Variants in NF1 observed in about 807,000 individuals in gnomAD.
NF1 encodes neurofibromin.
A neutral mutation model predicts 325.7 loss-of-function variants in NF1; 122 were observed. The ratio of observed to expected loss-of-function variants is 0.37; its 90% CI spans 0.32 to 0.44. The LOEUF (loss-of-function observed/expected upper bound fraction) is 0.44. Among genes scored for constraint, NF1 ranks in the 20% least tolerant of loss-of-function variants. The pLI is 1.00. For missense variants in NF1, 2,140 were observed against 3,415.4 expected (o/e 0.63, Z 9.31); for synonymous variants, 1,091 against 1,186.0 (o/e 0.92, Z 1.65).
intron 47 of NF1, 31 bp downstream of exon 47, chr17:31,340,676 T>G (rs1331975061): frequency 6.2e-7 from 1 of 1,607,570 alleles, no homozygotes; most frequent in Admixed American, 1.7e-5. Context: ...GGTTCCTAGA[T>G]TACTCAAATT....
chr17:31,282,823 TTA>T (rs1369457685), intron 36 of NF1, among the ~76,000 whole-genome samples: 2 of 152,194 alleles, frequency 1.3e-5, no homozygotes, highest in Admixed American at 6.5e-5. Context: ...GTGTTTAACT[TTA>T]GAGGAACTGC....
chr17:31,240,690 C>G (rs1191076499), intron 29 of NF1, among the ~76,000 whole-genome samples: 1 of 152,084 alleles, frequency 6.6e-6, no homozygotes, highest in East Asian at 1.9e-4. Flanking sequence ...ATTTACATTC[C>G]TGCCAATAGT....
chr17:31,100,562 T>A (rs894779689), intron 1 of NF1, among the ~76,000 whole-genome samples: 2 of 152,056 alleles, frequency 1.3e-5, no homozygotes, highest in African/African-American at 4.8e-5. Context: ...ATTGTTATTT[T>A]AAATTTTTAT....
intron 29 of NF1, among the ~76,000 whole-genome samples, chr17:31,242,277 A>T (rs2067308967): frequency 7.4e-6 from 1 of 135,278 alleles, no homozygotes; most frequent in African/African-American, 2.8e-5. Flanking sequence ...ATATTGATAA[A>T]TATCTTTCCC....
intron 3 of NF1, among the ~76,000 whole-genome samples, chr17:31,159,970 T>G (rs2065733940): frequency 6.6e-6 from 1 of 152,066 alleles, no homozygotes; most frequent in African/African-American, 2.4e-5. Context: ...GGACTGATAG[T>G]GTGGTTGAGA....
At chr17:31,223,422 A>G (rs2144015022) in intron 15 of NF1, 22 bp from the exon 16 acceptor site, 1 of 1,609,824 alleles carries the variant, frequency 6.2e-7, no homozygotes. Flanking sequence ...TGCTAGTAAC[A>G]ATGAACTTTA....
chr17:31,365,742 T>G (rs1440203636), intron 57 of NF1, among the ~76,000 whole-genome samples: 1 of 152,158 alleles, frequency 6.6e-6, no homozygotes, highest in African/African-American at 2.4e-5. Context: ...GGCAGTAGAA[T>G]GTACATAGAT....
chr17:31,304,120 G>T, intron 36 of NF1: 3 of 769,028 alleles, frequency 3.9e-6, no homozygotes, highest in Non-Finnish European at 6.1e-6. Context: ...TTTCATCTAT[G>T]CACATAGGCT....
chr17:31,296,267 A>G, intron 36 of NF1: 1 of 1,614,118 alleles, frequency 6.2e-7, no homozygotes, highest in Non-Finnish European at 8.5e-7. Flanking sequence ...AATGCATAAA[A>G]TACCAGGTGT....
chr17:31,339,796 A>G (rs1275763894), intron 46 of NF1, among the ~76,000 whole-genome samples: 3 of 152,240 alleles, frequency 2.0e-5, no homozygotes, highest in Non-Finnish European at 4.4e-5. Flanking sequence ...AGAGATTACC[A>G]TACTGGTTAA....
intron 5 of NF1, among the ~76,000 whole-genome samples, chr17:31,176,768 C>T (rs972504062): frequency 1.3e-5 from 2 of 152,120 alleles, no homozygotes; most frequent in African/African-American, 4.8e-5. Context: ...ATAGGGAATC[C>T]TTTCCCCATT....
At position 31,151,761 on chromosome 17, in the gene NF1, A is replaced by G. The variant is rs998737612; in HGVS notation, c.61-4222A>G. On this transcript the variant is annotated intron_variant, in intron 1 of 57. Coordinates refer to ENST00000358273, the MANE Select transcript of NF1 (RefSeq NM_001042492.3). ...AAGTCTGTACCTGTTCAGTACAGACATACTAAAATTTATTTTTTGATCTGC... is the reference window on the plus strand; with the variant it reads ...AAGTCTGTACCTGTTCAGTACAGACGTACTAAAATTTATTTTTTGATCTGC... Among the ~76,000 whole-genome samples the G allele has an allele frequency of 2.0e-5, 3 of 152,224 alleles. No individual in the cohort carries two copies. In the East Asian group the frequency reaches 5.8e-4, roughly 29 times the overall value.
At position 31,155,952 on chromosome 17, in the gene NF1, T is replaced by C. The variant is rs545663276; in HGVS notation, c.61-31T>C. On this transcript the variant is annotated intron_variant, in intron 1 of 57. Coordinates refer to ENST00000358273, the MANE Select transcript of NF1 (RefSeq NM_001042492.3). ...TATGGTCGTTTTTAAGGATAAGCTGTTAACGTGTTTTTTTTTTCTTTTTTT... is the reference window on the plus strand; with the variant it reads ...TATGGTCGTTTTTAAGGATAAGCTGCTAACGTGTTTTTTTTTTCTTTTTTT... 107 of 1,606,818 alleles carry C rather than the reference T, an allele frequency of 6.7e-5. 1 individual carries two copies. In the South Asian group the frequency reaches 1.0e-3, roughly 16 times the overall value.
chr17:31,373,567 A>G (rs1305528374), intron 57 of NF1, among the ~76,000 whole-genome samples: 1 of 152,262 alleles, frequency 6.6e-6, no homozygotes, highest in Non-Finnish European at 1.5e-5. Flanking sequence ...GCAATTGACT[A>G]TTAAAATGAA....
At chr17:31,240,842 C>G (rs1202270194) in intron 29 of NF1, among the ~76,000 whole-genome samples, 1 of 152,002 alleles carries the variant, frequency 6.6e-6, no homozygotes. Flanking sequence ...ATGTTGAGCA[C>G]CTTTTCATGT....
In NF1 at chr17:31,352,437, GA is replaced by G. The variant is rs754290122; in HGVS notation, c.7615+24del. 7.9e-5 allele frequency: 121 copies of G among 1,529,034 alleles called. No individual in the cohort carries two copies. In the African/African-American group the frequency reaches 1.5e-3, roughly 19 times the overall value. The allele number at this position is 1,529,034 out of a possible 1,614,324, so 94.7% of individuals were successfully genotyped here. A position where few individuals can be genotyped will look rare whatever the true frequency, so the allele number is the denominator to read the frequency against. On this transcript the variant is annotated intron_variant, in intron 51 of 57. Transcript: ENST00000358273. Reference sequence around the variant, plus strand: ...TTGGTTAGTTTATCTAAATTATGTAGATTTTTTTTATTATTTAAAAAAATAG... The same window carrying G: ...TTGGTTAGTTTATCTAAATTATGTAGTTTTTTTTATTATTTAAAAAAATAG...
intron 1 of NF1, among the ~76,000 whole-genome samples, chr17:31,150,480 A>G (rs867850349): frequency 1.3e-5 from 2 of 152,034 alleles, no homozygotes; most frequent in African/African-American, 4.8e-5. Context: ...GTGGAGGGGT[A>G]TTATGTGTTG....
intron 12 of NF1, among the ~76,000 whole-genome samples, chr17:31,209,952 T>C (rs973732201): frequency 3.3e-5 from 5 of 152,238 alleles, no homozygotes; most frequent in Non-Finnish European, 7.4e-5. Context: ...CTGGCCTCTT[T>C]TAGCTCTCTT....
intron 48 of NF1, chr17:31,346,267 T>A: frequency 6.4e-7 from 1 of 1,562,492 alleles, no homozygotes. Context: ...GTGTCCAAAT[T>A]AGAAGCTAGC....
Sources: gnomAD v4.1 joint callset for allele counts (sites outside exome capture counted in the v4.1 genomes callset) on GRCh38, gnomAD v4.1.1 for gene constraint, MANE v1.5 for transcripts, NCBI Gene and HGNC (gene_info 2026-07-23, HGNC 2026-07-21) for gene names.